The following SUGCT variants were observed in gnomAD, a reference collection of about 807,000 sequenced individuals.
SUGCT encodes succinyl-CoA:glutarate-CoA transferase.
SUGCT carries 41 observed loss-of-function variants against 55.0 expected under a neutral mutation model. That is an observed-to-expected ratio of 0.74 (90% CI 0.58 to 0.97). The LOEUF (loss-of-function observed/expected upper bound fraction) is 0.97, where lower values mean the gene tolerates loss of function less well. Among genes scored for constraint, SUGCT ranks in the 50% least tolerant of loss-of-function variants. The pLI is 0.00. For missense variants in SUGCT, 568 were observed against 547.8 expected (o/e 1.04, Z -0.37); for synonymous variants, 187 against 200.4 (o/e 0.93, Z 0.56).
At chr7:40,809,118 T>C (rs1791264283) in intron 13 of SUGCT, among the ~76,000 whole-genome samples, 1 of 152,228 alleles carries the variant, frequency 6.6e-6, no homozygotes, top group Non-Finnish European at 1.5e-5. Context: ...TTTTCAACCC[T>C]AGTTCTGTTA....
At chr7:40,373,461 G>A (rs1291651304) in intron 9 of SUGCT, among the ~76,000 whole-genome samples, 2 of 142,684 alleles carry the variant, frequency 1.4e-5, no homozygotes, top group South Asian at 2.2e-4. Context: ...TTAGAAAAAT[G>A]AATTCCAAAT....
intron 9 of SUGCT, among the ~76,000 whole-genome samples, chr7:40,408,150 C>T (rs1786483255): frequency 6.6e-6 from 1 of 152,020 alleles, no homozygotes; most frequent in Non-Finnish European, 1.5e-5. Flanking sequence ...ATTACAGTTA[C>T]CTCCTTTTGT....
chr7:40,545,307 C>T (rs1794930810), intron 12 of SUGCT, among the ~76,000 whole-genome samples: 1 of 152,180 alleles, frequency 6.6e-6, no homozygotes, highest in Admixed American at 6.5e-5. Flanking sequence ...TGTGGAGCCT[C>T]TCTGCTGGAA....
At chr7:40,642,039 A>G (rs1488729906) in intron 12 of SUGCT, among the ~76,000 whole-genome samples, 2 of 152,096 alleles carry the variant, frequency 1.3e-5, no homozygotes, top group Non-Finnish European at 2.9e-5. Flanking sequence ...ATCCTGTTTG[A>G]TGTTTGAATT....
the SUGCT span, among the ~76,000 whole-genome samples, chr7:41,021,357 TC>T: frequency 6.6e-6 from 1 of 152,206 alleles, no homozygotes; most frequent in East Asian, 1.9e-4. Context: ...TTATTATTTT[TC>T]CTTATATATG....
At chr7:40,675,167 T>A (rs1783906052) in intron 12 of SUGCT, among the ~76,000 whole-genome samples, 1 of 151,872 alleles carries the variant, frequency 6.6e-6, no homozygotes, top group Non-Finnish European at 1.5e-5. Flanking sequence ...TTCAAGCAAT[T>A]CTCCTGCCTC....
chr7:40,204,304 A>ATT (rs1226033647), intron 6 of SUGCT, among the ~76,000 whole-genome samples: 116 of 135,602 alleles, frequency 8.6e-4, no homozygotes, highest in African/African-American at 2.9e-3. Context: ...CTACTTGGGA[A>ATT]TTTTTTTTTT....
chr7:40,160,297 C>T (rs1167013637), intron 1 of SUGCT, among the ~76,000 whole-genome samples: 2 of 151,934 alleles, frequency 1.3e-5, no homozygotes, highest in Non-Finnish European at 2.9e-5. Flanking sequence ...GGTATGATCT[C>T]GGCTCACTGC....
intron 12 of SUGCT, among the ~76,000 whole-genome samples, chr7:40,692,095 C>T (rs4119078): frequency 0.17 from 26,064 of 152,006 alleles, 2,597 homozygotes; most frequent in Non-Finnish European, 0.23. Context: ...CCTAGTCACT[C>T]GTTAATAATG....
chr7:40,905,702 T>A, the SUGCT span, among the ~76,000 whole-genome samples: 59 of 152,168 alleles, frequency 3.9e-4, no homozygotes, highest in Non-Finnish European at 5.9e-4. Context: ...TTTACCATTT[T>A]AAATTTTTTT....
intron 11 of SUGCT, among the ~76,000 whole-genome samples, chr7:40,492,790 C>A (rs1422090931): frequency 1.3e-5 from 2 of 152,152 alleles, no homozygotes; most frequent in African/African-American, 4.8e-5. Flanking sequence ...GTTGCTTCAA[C>A]CATAAGTTGT....
chr7:40,720,454 G>A (rs986517867), intron 12 of SUGCT, among the ~76,000 whole-genome samples: 2 of 152,176 alleles, frequency 1.3e-5, no homozygotes, highest in East Asian at 3.9e-4. Context: ...AATGAAGCAT[G>A]AGAATACAAA....
intron 12 of SUGCT, among the ~76,000 whole-genome samples, chr7:40,695,370 G>A (rs901006419): frequency 1.3e-5 from 2 of 151,608 alleles, no homozygotes; most frequent in African/African-American, 4.8e-5. Context: ...GCTAATTTTT[G>A]TATTTTTTGT....
chr7:40,287,601 A>G (rs7792605), intron 8 of SUGCT, among the ~76,000 whole-genome samples: 2,776 of 152,058 alleles, frequency 0.018, 75 homozygotes, highest in African/African-American at 0.063. Flanking sequence ...AGTCTCAAGC[A>G]ATCCCCCACC....
chr7:40,283,951 A>C (rs1008591529), intron 8 of SUGCT, among the ~76,000 whole-genome samples: 5 of 152,226 alleles, frequency 3.3e-5, no homozygotes, highest in African/African-American at 1.2e-4. Flanking sequence ...ATATATATGC[A>C]ATGTAATTTG....
In SUGCT at chr7:40,493,424, C is replaced by T. The variant is rs138181600; in HGVS notation, c.987-2860C>T. Among the ~76,000 whole-genome samples the T allele has an allele frequency of 3.7e-4, 56 of 152,288 alleles. 1 individual carries two copies. The East Asian group carries it at 0.011, about 29-fold the overall frequency. Reference sequence around the variant, plus strand: ...TTTCTGTCTGGTCTTGTATTTGTCTCATTTGCAACTTTAATTCATTTTATA... The same window carrying T: ...TTTCTGTCTGGTCTTGTATTTGTCTTATTTGCAACTTTAATTCATTTTATA... On this transcript the variant is annotated intron_variant, in intron 11 of 13. Coordinates refer to ENST00000335693, the MANE Select transcript of SUGCT (RefSeq NM_001193313.2).
the SUGCT span, among the ~76,000 whole-genome samples, chr7:40,970,124 A>G: frequency 0.016 from 2,423 of 152,268 alleles, 72 homozygotes; most frequent in African/African-American, 0.056. Flanking sequence ...ACTTTTCAGA[A>G]TCAAGAAGGT....
intron 9 of SUGCT, among the ~76,000 whole-genome samples, chr7:40,428,993 C>G (rs1440822512): frequency 6.6e-6 from 1 of 151,834 alleles, no homozygotes; most frequent in South Asian, 2.1e-4. Flanking sequence ...TCCTTTTTTT[C>G]TTTTTAAAAT....
intron 12 of SUGCT, among the ~76,000 whole-genome samples, chr7:40,543,128 T>A (rs573120823): frequency 6.6e-6 from 1 of 152,194 alleles, no homozygotes; most frequent in Non-Finnish European, 1.5e-5. Context: ...ATTTATGCCT[T>A]CCTTTTTCTG....
Sources: gnomAD v4.1 joint callset for allele counts (sites outside exome capture counted in the v4.1 genomes callset) on GRCh38, gnomAD v4.1.1 for gene constraint, MANE v1.5 for transcripts, NCBI Gene and HGNC (gene_info 2026-07-23, HGNC 2026-07-21) for gene names.